Variants in RAP1GDS1 observed in about 807,000 individuals in gnomAD.
RAP1GDS1 encodes RAP1, GTP-GDP dissociation stimulator 1.
In RAP1GDS1, 35 loss-of-function variants were observed where a neutral mutation model predicts 71.1. That is an observed-to-expected ratio of 0.49 (90% confidence interval 0.38 to 0.65). RAP1GDS1 has a LOEUF of 0.65. Among genes scored for constraint, RAP1GDS1 ranks in the 30% least tolerant of loss-of-function variants. RAP1GDS1 has a pLI of 0.00. For missense variants in RAP1GDS1, 663 were observed against 706.1 expected, an observed-to-expected ratio of 0.94 and a Z score of 0.69; for synonymous variants, 229 against 243.1, an observed-to-expected ratio of 0.94 and a Z score of 0.54.
chr4:98,421,440 T>TG, intron 12 of RAP1GDS1, 46 bp downstream of exon 12: 1 of 1,512,420 alleles, frequency 6.6e-7, no homozygotes, highest in Non-Finnish European at 8.9e-7. Flanking sequence ...CAGAGTGTCT[T>TG]TTTCAGAAAC....
At chr4:98,285,192 A>G (rs1402609932) in intron 1 of RAP1GDS1, among the ~76,000 whole-genome samples, 1 of 152,208 alleles carries the variant, frequency 6.6e-6, no homozygotes, top group African/African-American at 2.4e-5. Flanking sequence ...TCATCAAAGT[A>G]GGAACTACCT....
intron 5 of RAP1GDS1, among the ~76,000 whole-genome samples, chr4:98,389,934 G>T (rs756198884): frequency 6.6e-6 from 1 of 152,134 alleles, no homozygotes; most frequent in Non-Finnish European, 1.5e-5. Flanking sequence ...CTGAGGGGGT[G>T]TGTGATGCTT....
At chr4:98,409,779 TA>T in intron 7 of RAP1GDS1, 5 of 441,842 alleles carry the variant, frequency 1.1e-5, no homozygotes, top group Admixed American at 2.4e-5. Context: ...GTTTTCAAGA[TA>T]AAAGGCTTCT....
chr4:98,320,068 A>G (rs1211510162), intron 2 of RAP1GDS1, among the ~76,000 whole-genome samples: 1 of 152,086 alleles, frequency 6.6e-6, no homozygotes, highest in African/African-American at 2.4e-5. Context: ...TCTTAATAAC[A>G]TTTGTTTTTC....
intron 4 of RAP1GDS1, among the ~76,000 whole-genome samples, chr4:98,368,564 A>C (rs952053827): frequency 6.6e-6 from 1 of 152,228 alleles, no homozygotes; most frequent in African/African-American, 2.4e-5. Flanking sequence ...CCAAGCCTCC[A>C]GGTAAAATAT....
At chr4:98,381,089 A>ATAT (rs1346965273) in intron 5 of RAP1GDS1, among the ~76,000 whole-genome samples, 1 of 151,692 alleles carries the variant, frequency 6.6e-6, no homozygotes, top group Non-Finnish European at 1.5e-5. Context: ...TATAATATAT[A>ATAT]TATTTTTTGA....
chr4:98,362,786 G>A (rs1738935484), intron 4 of RAP1GDS1, among the ~76,000 whole-genome samples: 1 of 152,144 alleles, frequency 6.6e-6, no homozygotes, highest in Non-Finnish European at 1.5e-5. Context: ...CTTACAAAAT[G>A]TATGTACTGA....
intron 3 of RAP1GDS1, among the ~76,000 whole-genome samples, chr4:98,349,348 C>T (rs548387211): frequency 1.3e-5 from 2 of 152,242 alleles, no homozygotes; most frequent in South Asian, 2.1e-4. Context: ...GTACCAGTAC[C>T]ATGCTGTTTT....
chr4:98,390,297 T>G (rs1743416270), intron 5 of RAP1GDS1, among the ~76,000 whole-genome samples: 1 of 152,176 alleles, frequency 6.6e-6, no homozygotes, highest in African/African-American at 2.4e-5. Flanking sequence ...GAATTATTGC[T>G]AAATTTCATA....
At chr4:98,410,928 G>T (rs1578784289) in intron 7 of RAP1GDS1, among the ~76,000 whole-genome samples, 1 of 152,186 alleles carries the variant, frequency 6.6e-6, no homozygotes, top group African/African-American at 2.4e-5. Context: ...GAAATGCAGA[G>T]ATAGGCTTCC....
chr4:98,279,202 C>T (rs748496187), intron 1 of RAP1GDS1, among the ~76,000 whole-genome samples: 23 of 151,670 alleles, frequency 1.5e-4, no homozygotes, highest in Non-Finnish European at 2.1e-4. Flanking sequence ...CCAGCCTGGG[C>T]GACAGAGCAA....
At chr4:98,424,997 G>A (rs982056933) in intron 12 of RAP1GDS1, among the ~76,000 whole-genome samples, 7 of 152,124 alleles carry the variant, frequency 4.6e-5, no homozygotes, top group Admixed American at 3.3e-4. Flanking sequence ...AAAGCACGAG[G>A]TAACCTATAA....
chr4:98,347,600 A>G (rs1256267776), intron 3 of RAP1GDS1, among the ~76,000 whole-genome samples: 4 of 152,256 alleles, frequency 2.6e-5, no homozygotes, highest in Admixed American at 2.6e-4. Flanking sequence ...TTTCTACAGC[A>G]TAATGGCATC....
At chr4:98,307,449 C>T (rs1351295284) in intron 2 of RAP1GDS1, among the ~76,000 whole-genome samples, 1 of 151,996 alleles carries the variant, frequency 6.6e-6, no homozygotes, top group Non-Finnish European at 1.5e-5. Flanking sequence ...TGTAATAAGT[C>T]ATAAATTAAT....
chr4:98,278,031 A>T (rs1724491763), intron 1 of RAP1GDS1, among the ~76,000 whole-genome samples: 1 of 152,202 alleles, frequency 6.6e-6, no homozygotes. Context: ...GTTCAAGACC[A>T]GAGTGGCCAA....
At chr4:98,276,009 A>G (rs1724143367) in intron 1 of RAP1GDS1, among the ~76,000 whole-genome samples, 1 of 152,166 alleles carries the variant, frequency 6.6e-6, no homozygotes, top group African/African-American at 2.4e-5. Context: ...CTGTAACAGA[A>G]TACTATATAT....
intron 2 of RAP1GDS1, among the ~76,000 whole-genome samples, chr4:98,314,299 G>T (rs574563454): frequency 2.0e-5 from 3 of 152,294 alleles, no homozygotes; most frequent in African/African-American, 7.2e-5. Flanking sequence ...TTTAGTCTCT[G>T]CATGAGCTAG....
At chr4:98,299,182 T>C (rs1167983413) in intron 2 of RAP1GDS1, among the ~76,000 whole-genome samples, 1 of 152,194 alleles carries the variant, frequency 6.6e-6, no homozygotes. Context: ...CTTGTGATAG[T>C]TTGCTCAGAA....
intron 2 of RAP1GDS1, among the ~76,000 whole-genome samples, chr4:98,311,569 T>G (rs1434742980): frequency 6.6e-6 from 1 of 152,168 alleles, no homozygotes; most frequent in Non-Finnish European, 1.5e-5. Flanking sequence ...AAGTATTTGC[T>G]TTTTCTTATT....
Sources: gnomAD v4.1 joint callset for allele counts (sites outside exome capture counted in the v4.1 genomes callset) on GRCh38, gnomAD v4.1.1 for gene constraint, MANE v1.5 for transcripts, NCBI Gene and HGNC (gene_info 2026-07-23, HGNC 2026-07-21) for gene names.